Variants in NSD1 observed in about 807,000 individuals in gnomAD.
The protein encoded by NSD1 is histone-lysine N-methyltransferase, H3 lysine-36 specific.
Under a neutral mutation model 242.7 loss-of-function variants are expected in NSD1, and 26 were observed. The observed-to-expected ratio is 0.11, with a 90% CI of 0.08 to 0.15. The LOEUF (loss-of-function observed/expected upper bound fraction) is 0.15. NSD1 is among the 10% of genes least tolerant of loss of function. The pLI, the probability that NSD1 is intolerant of heterozygous loss-of-function variation, is 1.00. For synonymous variants in NSD1, 1,106 were observed against 1,178.1 expected, an observed-to-expected ratio of 0.94 and a Z score of 1.25; for missense variants, 2,495 against 3,272.8, an observed-to-expected ratio of 0.76 and a Z score of 5.80.
Position 177,266,410 on chromosome 5 carries a change from TC to T in NSD1, c.5147-1150del. The stretch of plus-strand genomic sequence containing the variant: ...GAGGATGCTTGTGTCCGAGCCCACA[TC>T]CAGCACCACCTTGTCTTTAAAGAGG... On this transcript the variant is annotated intron_variant, in intron 14 of 22. Transcript: ENST00000439151. 45 of 636,172 alleles carry T rather than the reference TC, an allele frequency of 7.1e-5. 1 individual carries two copies. Among genetic ancestry groups the T allele is most frequent in the South Asian group, 6.9e-4 (44 of 63,902 alleles). The allele number at this position is 636,172 out of a possible 1,614,324, so 39.4% of individuals were successfully genotyped here.
chr5:177,237,437 CTT>C (rs1162612380), intron 6 of NSD1, among the ~76,000 whole-genome samples: 1 of 149,968 alleles, frequency 6.7e-6, no homozygotes, highest in Non-Finnish European at 1.5e-5. Flanking sequence ...TTGTTGTGGA[CTT>C]ATCAATATTA....
chr5:177,222,108 GCC>G (rs1332330478), intron 5 of NSD1, among the ~76,000 whole-genome samples: 1 of 150,886 alleles, frequency 6.6e-6, no homozygotes, highest in African/African-American at 2.4e-5. Flanking sequence ...ATCGCACCCG[GCC>G]CCCACTTTGT....
intron 3 of NSD1, among the ~76,000 whole-genome samples, chr5:177,194,956 C>T (rs765325854): frequency 5.9e-5 from 9 of 151,526 alleles, no homozygotes; most frequent in East Asian, 1.9e-4. Context: ...GTCAGGAGTT[C>T]GAGACCAGTC....
chr5:177,135,593 G>A lies in NSD1; in HGVS notation c.490G>A (p.Val164Ile), dbSNP rs2149756174. 1 of 1,614,196 alleles carries A rather than the reference G, an allele frequency of 6.2e-7. No homozygotes were observed. ...TTTTACTTGTGTGGACGATGCAGAT[G>A]TAGATTCTGAAATGGACCCAGAACA... The part of the protein sequence containing the change: ...ENFTCVDDAD[V>I]DSEMDPEQPV... The change falls in exon 2 of 23, where the codon GTA becomes ATA. Residue 164 changes from valine (V) to isoleucine (I), a missense_variant. Transcript: ENST00000439151.
intron 19 of NSD1, 115 bp downstream of exon 19, chr5:177,282,696 C>T (rs2127261293): frequency 1.2e-6 from 1 of 841,974 alleles, no homozygotes; most frequent in Admixed American, 1.7e-5. Flanking sequence ...TTTCCCATAC[C>T]CATTGGGATT....
chr5:177,168,760 C>G (rs1441764824), intron 2 of NSD1, among the ~76,000 whole-genome samples: 1 of 152,164 alleles, frequency 6.6e-6, no homozygotes, highest in Non-Finnish European at 1.5e-5. Context: ...CATGCCCGAC[C>G]AGTGTGTTTA....
chr5:177,136,920 T>C (rs1308755621), intron 2 of NSD1: 2 of 701,282 alleles, frequency 2.9e-6, no homozygotes, highest in African/African-American at 1.7e-5. Context: ...ACTCCTGGGC[T>C]CATTCGATCC....
chr5:177,246,895 A>G lies in NSD1; in HGVS notation c.4497+99A>G, dbSNP rs1549193. The G allele has an allele frequency of 8.3e-3, 7,204 of 869,424 alleles. 495 individuals are homozygous for G. The Admixed American group carries it at 0.12, about 14-fold the overall frequency. 53.9% of individuals were successfully genotyped at this position (869,424 alleles called of 1,614,324 possible). ...TCCCTTGAGTTTTCTTAAGAATACT[A>G]TTCTACTGAAATGGCTGATGGCCAT... On this transcript the variant is annotated intron_variant, in intron 10 of 22. Transcript: ENST00000439151.
intron 2 of NSD1, among the ~76,000 whole-genome samples, chr5:177,152,319 GTGTA>G (rs57114836): frequency 0.31 from 39,867 of 127,772 alleles, 5,960 homozygotes; most frequent in East Asian, 0.49. Context: ...TTGTGTGTGT[GTGTA>G]TGTATGTATG....
chr5:177,217,373 C>T lies in NSD1; in HGVS notation c.3796+5178C>T, dbSNP rs73347625. On this transcript the variant is annotated intron_variant, in intron 5 of 22. Transcript: ENST00000439151. ...ACTTTGCCGAATTTGCTTCTTTGTT[C>T]TAATAGCGTGTGGAATCTTTAGGGT... Among the ~76,000 whole-genome samples, 379 of 152,146 alleles carry T rather than the reference C, an allele frequency of 2.5e-3. 1 individual carries two copies. The highest frequency in any genetic ancestry group is 8.7e-3 in the African/African-American group (362 of 41,512).
At chr5:177,289,851 G>A (rs1252676001) in intron 21 of NSD1, among the ~76,000 whole-genome samples, 8 of 147,698 alleles carry the variant, frequency 5.4e-5, no homozygotes, top group Non-Finnish European at 1.2e-4. Context: ...TTTTTGAGGT[G>A]GAGTCTCGCT....
chr5:177,166,650 A>G (rs1759226066), intron 2 of NSD1, among the ~76,000 whole-genome samples: 1 of 151,404 alleles, frequency 6.6e-6, no homozygotes, highest in African/African-American at 2.4e-5. Flanking sequence ...CCTTTGCCAG[A>G]TCTGAAATTA....
chr5:177,266,326 G>C, intron 14 of NSD1: 1 of 721,184 alleles, frequency 1.4e-6, no homozygotes. Flanking sequence ...CATAATCAGA[G>C]CTACTGGAAC....
intron 17 of NSD1, among the ~76,000 whole-genome samples, chr5:177,274,409 T>C (rs568982345): frequency 3.3e-5 from 5 of 152,370 alleles, no homozygotes; most frequent in East Asian, 3.9e-4. Flanking sequence ...TTTAGTGTTA[T>C]GTTGTTGCTA....
At chr5:177,272,723 G>A (rs2127239212) in intron 16 of NSD1, among the ~76,000 whole-genome samples, 1 of 152,040 alleles carries the variant, frequency 6.6e-6, no homozygotes, top group Non-Finnish European at 1.5e-5. Context: ...AACCTTGTCT[G>A]TACAAAAAAA....
At chr5:177,152,725 A>G (rs566302295) in intron 2 of NSD1, among the ~76,000 whole-genome samples, 97 of 151,028 alleles carry the variant, frequency 6.4e-4, no homozygotes, top group African/African-American at 2.3e-3. Context: ...CTGCTTCCCA[A>G]AGTGCTGGGA....
At chr5:177,232,552 G>C (rs1366176985) in intron 5 of NSD1, among the ~76,000 whole-genome samples, 3 of 152,106 alleles carry the variant, frequency 2.0e-5, no homozygotes, top group Non-Finnish European at 4.4e-5. Flanking sequence ...TCACCCTTCA[G>C]CTTAGATGTA....
chr5:177,136,052 T>C (rs1238664942), intron 2 of NSD1, 22 bp downstream of exon 2: 2 of 1,585,316 alleles, frequency 1.3e-6, no homozygotes, highest in Non-Finnish European at 1.7e-6. Context: ...TTGGTACAAC[T>C]TAAATATATA....
chr5:177,146,502 C>A (rs1053407827), intron 2 of NSD1, among the ~76,000 whole-genome samples: 1 of 152,092 alleles, frequency 6.6e-6, no homozygotes, highest in African/African-American at 2.4e-5. Flanking sequence ...CCGCGTCCAG[C>A]CAGTCTTACT....
Sources: allele counts gnomAD v4.1 joint callset (sites outside exome capture counted in the v4.1 genomes callset), GRCh38; gene constraint gnomAD v4.1.1; transcripts MANE v1.5; gene names NCBI Gene and HGNC (gene_info 2026-07-23, HGNC 2026-07-21).